The following CTNNA3 variants were observed in gnomAD, a reference collection of about 807,000 sequenced individuals.
CTNNA3 encodes catenin alpha-3.
CTNNA3 carries 76 observed loss-of-function variants against 95.7 expected under a neutral mutation model. The observed-to-expected ratio is 0.79, with a 90% confidence interval of 0.66 to 0.96. CTNNA3 has a LOEUF of 0.96. Among genes scored for constraint, CTNNA3 ranks in the 40% least tolerant of loss-of-function variants. The pLI, the probability that CTNNA3 is intolerant of heterozygous loss-of-function variation, is 0.00. For missense variants in CTNNA3, 1,191 were observed against 1,089.8 expected (o/e 1.09, Z -1.31); for synonymous variants, 431 against 374.4 (o/e 1.15, Z -1.74).
At chr10:66,645,472 T>C (rs1305557599) in intron 9 of CTNNA3, among the ~76,000 whole-genome samples, 2 of 152,164 alleles carry the variant, frequency 1.3e-5, no homozygotes, top group Admixed American at 6.5e-5. Flanking sequence ...ATGCTGTCTT[T>C]CTTCTATTAA....
rs1243575077 is a variant in CTNNA3 at position 66,360,800 on chromosome 10, CCTTCCTTCCTTCCTTCCTTT to C, written c.1732+18332_1732+18351del. 4.2e-4 allele frequency among the ~76,000 whole-genome samples: 29 copies of C among 68,272 alleles called. 5 individuals carry two copies. The highest frequency in any genetic ancestry group is 3.2e-3 in the Admixed American group (20 of 6,176). The allele number at this position is 68,272 out of a possible 152,430, so 44.8% of individuals were successfully genotyped here. On this transcript the variant is annotated intron_variant, in intron 12 of 17. Transcript: ENST00000433211. ...TTCTTTCTTTCTTCCTTCCTTCCTT[CCTTCCTTCCTTCCTTCCTTT>C]CTTTCTTTCTTTCTTTCTTTCTTTC... is the stretch of plus-strand genomic sequence containing the variant.
chr10:66,943,193 G>T (rs935741272), intron 7 of CTNNA3, among the ~76,000 whole-genome samples: 2 of 152,192 alleles, frequency 1.3e-5, no homozygotes, highest in East Asian at 3.8e-4. Flanking sequence ...GAAAAGAGCA[G>T]AGACGAGAAA....
intron 5 of CTNNA3, among the ~76,000 whole-genome samples, chr10:67,242,749 T>C (rs1352870939): frequency 6.6e-6 from 1 of 152,146 alleles, no homozygotes; most frequent in African/African-American, 2.4e-5. Context: ...GAGCCTACAA[T>C]AAGCCAAAAG....
At chr10:67,411,167 G>A (rs886818184) in intron 5 of CTNNA3, among the ~76,000 whole-genome samples, 23 of 152,024 alleles carry the variant, frequency 1.5e-4, no homozygotes, top group African/African-American at 5.3e-4. Flanking sequence ...AATGAGTTGT[G>A]TACCTTAAAT....
At chr10:66,163,296 C>G (rs986883110) in intron 13 of CTNNA3, among the ~76,000 whole-genome samples, 1 of 152,032 alleles carries the variant, frequency 6.6e-6, no homozygotes, top group Non-Finnish European at 1.5e-5. Context: ...AGTTTTACCC[C>G]CTGCTCCTCT....
intron 11 of CTNNA3, among the ~76,000 whole-genome samples, chr10:66,493,605 T>C (rs1840000120): frequency 6.9e-6 from 1 of 145,500 alleles, no homozygotes; most frequent in Admixed American, 6.7e-5. Context: ...CAGTATTTTT[T>C]TTTTTTTTTT....
intron 13 of CTNNA3, among the ~76,000 whole-genome samples, chr10:66,184,766 A>C (rs1270802502): frequency 2.6e-5 from 4 of 152,152 alleles, no homozygotes; most frequent in African/African-American, 9.7e-5. Flanking sequence ...CTGTCAAATC[A>C]AACCTCTTAT....
At chr10:66,723,009 T>C (rs1848676476) in intron 9 of CTNNA3, among the ~76,000 whole-genome samples, 1 of 152,178 alleles carries the variant, frequency 6.6e-6, no homozygotes, top group South Asian at 2.1e-4. Context: ...TTCTGCTCTA[T>C]CATTCAGGAA....
At chr10:66,722,120 T>A (rs112752514) in intron 9 of CTNNA3, among the ~76,000 whole-genome samples, 1 of 152,188 alleles carries the variant, frequency 6.6e-6, no homozygotes, top group African/African-American at 2.4e-5. Context: ...GGCTCATGCC[T>A]GTAATCCCAG....
In CTNNA3 at chr10:65,916,335, G is replaced by C. The variant is rs570544559; in HGVS notation, c.*3995C>G. The C allele has an allele frequency of 2.0e-5, 3 of 151,988 alleles. No homozygotes were observed. Among genetic ancestry groups the C allele is most frequent in the Admixed American group, 6.6e-5 (1 of 15,260 alleles). The allele number at this position is 151,988 out of a possible 1,614,324, so 9.4% of individuals were successfully genotyped here. On this transcript the variant is annotated 3_prime_UTR_variant, in exon 18 of 18. Transcript: ENST00000433211. The stretch of plus-strand genomic sequence containing the variant: ...CTTGGCAAAAAATAGGCCAACAAAA[G>C]AAAGTACAGATTTCATTCAAATTCA...
At chr10:66,563,622 C>T (rs562393980) in intron 10 of CTNNA3, among the ~76,000 whole-genome samples, 2 of 152,138 alleles carry the variant, frequency 1.3e-5, no homozygotes, top group Non-Finnish European at 2.9e-5. Flanking sequence ...AACCCTCCTC[C>T]GATTCTATTC....
intron 15 of CTNNA3, among the ~76,000 whole-genome samples, chr10:66,063,848 T>C (rs1296937466): frequency 6.6e-6 from 1 of 152,110 alleles, no homozygotes; most frequent in Non-Finnish European, 1.5e-5. Context: ...TAATTTTCTA[T>C]GTAGCAAAGT....
intron 9 of CTNNA3, among the ~76,000 whole-genome samples, chr10:66,651,653 C>CCTGCCG (rs569047116): frequency 0.42 from 62,958 of 151,540 alleles, 15,763 homozygotes; most frequent in African/African-American, 0.7. Context: ...GCGCAGTGCC[C>CCTGCCG]GCCGGCCGGC....
intron 7 of CTNNA3, among the ~76,000 whole-genome samples, chr10:66,892,337 A>T (rs149460372): frequency 2.4e-3 from 365 of 152,256 alleles, no homozygotes; most frequent in African/African-American, 8.3e-3. Context: ...CTGAATAAAT[A>T]AACAGTGATT....
At chr10:66,945,835 C>A (rs1848242709) in intron 7 of CTNNA3, among the ~76,000 whole-genome samples, 1 of 151,952 alleles carries the variant, frequency 6.6e-6, no homozygotes, top group South Asian at 2.1e-4. Flanking sequence ...AATAGGGAGG[C>A]CCACAGTAAG....
At chr10:67,168,140 TA>T (rs1431238653) in intron 7 of CTNNA3, among the ~76,000 whole-genome samples, 1 of 151,732 alleles carries the variant, frequency 6.6e-6, no homozygotes, top group Non-Finnish European at 1.5e-5. Context: ...CATCTCAAAA[TA>T]AAAAAAGGTT....
intron 7 of CTNNA3, among the ~76,000 whole-genome samples, chr10:66,950,344 G>A (rs576728586): frequency 6.6e-6 from 1 of 151,476 alleles, no homozygotes; most frequent in South Asian, 2.1e-4. Flanking sequence ...AATTTTACAG[G>A]GAGGAAAAAA....
chr10:66,585,050 C>CCCT (rs1357530015), intron 10 of CTNNA3, among the ~76,000 whole-genome samples: 6 of 152,032 alleles, frequency 3.9e-5, no homozygotes, highest in Non-Finnish European at 8.8e-5. Context: ...GAGAAGTCTG[C>CCCT]AGTTAGTTTG....
chr10:66,876,979 C>A (rs933990304), intron 7 of CTNNA3, among the ~76,000 whole-genome samples: 2 of 152,040 alleles, frequency 1.3e-5, no homozygotes, highest in African/African-American at 4.8e-5. Flanking sequence ...ACCTGGGAAG[C>A]CCTGAGTCAC....
Sources: gnomAD v4.1 joint callset for allele counts (sites outside exome capture counted in the v4.1 genomes callset) on GRCh38, gnomAD v4.1.1 for gene constraint, MANE v1.5 for transcripts, NCBI Gene and HGNC (gene_info 2026-07-23, HGNC 2026-07-21) for gene names.